The following NEK11 variants were observed in gnomAD, a reference collection of about 807,000 sequenced individuals.
NEK11 encodes the protein NIMA related kinase 11.
A neutral mutation model predicts 80.7 loss-of-function variants in NEK11; 72 were observed. The ratio of observed to expected loss-of-function variants is 0.89; its 90% CI spans 0.74 to 1.08. The LOEUF (loss-of-function observed/expected upper bound fraction) is 1.08, where lower values mean the gene tolerates loss of function less well. NEK11 is among the 50% of genes least tolerant of loss of function. The pLI is 0.00. For missense variants in NEK11, 764 were observed against 763.6 expected, an observed-to-expected ratio of 1.00 and a Z score of -0.01; for synonymous variants, 251 against 260.7, an observed-to-expected ratio of 0.96 and a Z score of 0.36.
At chr3:131,104,093 G>A (rs2078806359) in intron 4 of NEK11, among the ~76,000 whole-genome samples, 1 of 152,218 alleles carries the variant, frequency 6.6e-6, no homozygotes. Flanking sequence ...GAAGACAAAA[G>A]AAGATAGTTT....
intron 17 of NEK11, among the ~76,000 whole-genome samples, chr3:131,290,646 G>A (rs763030652): frequency 1.3e-4 from 20 of 152,134 alleles, no homozygotes; most frequent in Non-Finnish European, 2.8e-4. Flanking sequence ...CAGACTCTCT[G>A]TGACCCCACC....
intron 16 of NEK11, among the ~76,000 whole-genome samples, chr3:131,250,254 A>G (rs909458063): frequency 6.6e-6 from 1 of 152,028 alleles, no homozygotes; most frequent in Non-Finnish European, 1.5e-5. Context: ...CCAGGAAAAA[A>G]GAACAGAAAA....
rs146738231 is a variant in NEK11 at position 131,271,335 on chromosome 3, A to G, written c.1622-2143A>G. 4.8e-3 allele frequency among the ~76,000 whole-genome samples: 730 copies of G among 152,340 alleles called. 2 individuals are homozygous for G. The highest frequency in any genetic ancestry group is 7.7e-3 in the Non-Finnish European group (527 of 68,020). ...CCAGTATTTCCATAACTAGGGATCT[A>G]GTCCAAGGAAAGATCAGAGACTTTG... On this transcript the variant is annotated intron_variant, in intron 16 of 17. Transcript: ENST00000383366.
intron 17 of NEK11, among the ~76,000 whole-genome samples, chr3:131,312,653 ACAT>A (rs758373438): frequency 6.6e-6 from 1 of 152,142 alleles, no homozygotes; most frequent in African/African-American, 2.4e-5. Context: ...TGTACCTTCT[ACAT>A]CTGTAACAAA....
At chr3:131,332,243 T>C (rs1194377152) in intron 17 of NEK11, among the ~76,000 whole-genome samples, 3 of 151,786 alleles carry the variant, frequency 2.0e-5, no homozygotes, top group African/African-American at 2.4e-5. Context: ...ACACCTCACA[T>C]GGCCAGGTAC....
At chr3:131,136,004 A>G (rs993846298) in intron 7 of NEK11, among the ~76,000 whole-genome samples, 1 of 152,072 alleles carries the variant, frequency 6.6e-6, no homozygotes, top group Non-Finnish European at 1.5e-5. Flanking sequence ...ATGGAGTATT[A>G]TGGGATATCA....
chr3:131,107,765 A>G (rs1192296846), intron 4 of NEK11, among the ~76,000 whole-genome samples: 1 of 152,122 alleles, frequency 6.6e-6, no homozygotes, highest in Non-Finnish European at 1.5e-5. Flanking sequence ...AAGCAGACCT[A>G]CGCAGTTCAA....
intron 3 of NEK11, among the ~76,000 whole-genome samples, chr3:131,064,661 G>A (rs1560231168): frequency 6.6e-6 from 1 of 151,958 alleles, no homozygotes; most frequent in Non-Finnish European, 1.5e-5. Context: ...AGACCTCTGG[G>A]GATATACTAA....
intron 5 of NEK11, among the ~76,000 whole-genome samples, chr3:131,121,079 T>G (rs1195302490): frequency 6.6e-6 from 1 of 152,226 alleles, no homozygotes; most frequent in Non-Finnish European, 1.5e-5. Context: ...TTTAGAATTT[T>G]CAGCATTTCT....
chr3:131,260,630 G>A (rs2095899845), intron 16 of NEK11, among the ~76,000 whole-genome samples: 2 of 152,102 alleles, frequency 1.3e-5, no homozygotes, highest in Non-Finnish European at 2.9e-5. Context: ...TTTACTACCC[G>A]CCCCTTTACA....
intron 3 of NEK11, among the ~76,000 whole-genome samples, chr3:131,030,535 C>T (rs2064682239): frequency 6.6e-6 from 1 of 152,106 alleles, no homozygotes; most frequent in South Asian, 2.1e-4. Flanking sequence ...AGAAATGTTA[C>T]AAAATGCAAA....
intron 6 of NEK11, 84 bp downstream of exon 6, chr3:131,132,893 G>A (rs1326485690): frequency 1.8e-5 from 11 of 625,746 alleles, no homozygotes; most frequent in African/African-American, 5.7e-5. Context: ...TAAATGGTAC[G>A]TGGAAGTATT....
chr3:131,327,612 T>C (rs1440812493), intron 17 of NEK11: 1 of 152,062 alleles, frequency 6.6e-6, no homozygotes, highest in Non-Finnish European at 1.5e-5. Context: ...TCACACTCTT[T>C]ATTTATACAT....
chr3:131,219,504 C>A (rs1459512831), intron 14 of NEK11, among the ~76,000 whole-genome samples: 1 of 151,502 alleles, frequency 6.6e-6, no homozygotes, highest in Non-Finnish European at 1.5e-5. Context: ...GCGTGTGTAT[C>A]CATGGAACAA....
At position 131,063,851 on chromosome 3, in the gene NEK11, A is replaced by G. The variant is rs889486404; in HGVS notation, c.171-16572A>G. 2.6e-5 allele frequency among the ~76,000 whole-genome samples: 4 copies of G among 152,344 alleles called. No homozygotes were observed. In the East Asian group the frequency reaches 7.7e-4, roughly 29 times the overall value. On this transcript the variant is annotated intron_variant, in intron 3 of 17. Transcript: ENST00000383366. ...GTACATACCCAAAAGACATAAAAAC[A>G]TATATCCACTCAAAACCTTGTACAC...
chr3:131,152,765 C>T (rs2089923167), intron 9 of NEK11, 56 bp downstream of exon 9: 2 of 1,216,106 alleles, frequency 1.6e-6, no homozygotes, highest in African/African-American at 1.5e-5. Context: ...TATACACATT[C>T]CATGACTTGA....
intron 15 of NEK11, among the ~76,000 whole-genome samples, chr3:131,233,129 A>T (rs1252013975): frequency 2.0e-5 from 3 of 151,508 alleles, no homozygotes; most frequent in Non-Finnish European, 4.4e-5. Flanking sequence ...GGAGGGAGGG[A>T]GGGAGAGAGA....
At chr3:131,333,702 T>G (rs1432166939) in intron 17 of NEK11, among the ~76,000 whole-genome samples, 1 of 152,172 alleles carries the variant, frequency 6.6e-6, no homozygotes, top group Non-Finnish European at 1.5e-5. Flanking sequence ...GACCCATCAG[T>G]GTGCTGTATT....
chr3:131,347,864 G>A (rs918291553), intron 17 of NEK11, among the ~76,000 whole-genome samples: 1 of 151,876 alleles, frequency 6.6e-6, no homozygotes, highest in African/African-American at 2.4e-5. Flanking sequence ...GCTTGAACCT[G>A]GGAGGCAGAG....
Sources: allele counts gnomAD v4.1 joint callset (sites outside exome capture counted in the v4.1 genomes callset), GRCh38; gene constraint gnomAD v4.1.1; transcripts MANE v1.5; gene names NCBI Gene and HGNC (gene_info 2026-07-23, HGNC 2026-07-21).